Variants in NRG1 observed in about 807,000 individuals in gnomAD.
NRG1 encodes neuregulin 1, also known as pro-neuregulin-1, membrane-bound isoform.
Under a neutral mutation model 63.8 loss-of-function variants are expected in NRG1, and 18 were observed. That is an observed-to-expected ratio of 0.28 (90% CI 0.19 to 0.42). The LOEUF is 0.42. Among genes scored for constraint, NRG1 ranks in the 10% least tolerant of loss-of-function variants. NRG1 has a pLI of 1.00. For synonymous variants in NRG1, 302 were observed against 301.3 expected (o/e 1.00, Z -0.02); for missense variants, 762 against 814.7 (o/e 0.94, Z 0.79).
At chr8:32,553,446 A>C (rs1372852551) in intron 1 of NRG1, among the ~76,000 whole-genome samples, 1 of 152,194 alleles carries the variant, frequency 6.6e-6, no homozygotes, top group Non-Finnish European at 1.5e-5. Context: ...ACTACCTGTA[A>C]AACTAGAGAA....
chr8:32,234,557 C>T (rs1847331703), intron 1 of NRG1, among the ~76,000 whole-genome samples: 1 of 152,168 alleles, frequency 6.6e-6, no homozygotes, highest in South Asian at 2.1e-4. Context: ...CTCTACATTC[C>T]ATATTCTTCC....
chr8:32,045,218 G>A (rs1184700440), intron 1 of NRG1, among the ~76,000 whole-genome samples: 1 of 151,788 alleles, frequency 6.6e-6, no homozygotes, highest in Non-Finnish European at 1.5e-5. Context: ...AACTTAATTA[G>A]TAATTTCACT....
chr8:32,553,365 A>G (rs1834512093), intron 1 of NRG1, among the ~76,000 whole-genome samples: 1 of 152,338 alleles, frequency 6.6e-6, no homozygotes, highest in South Asian at 2.1e-4. Flanking sequence ...ATAATTTCCA[A>G]AATTTACCTT....
chr8:31,693,416 G>T (rs1809731699), intron 1 of NRG1, among the ~76,000 whole-genome samples: 1 of 151,936 alleles, frequency 6.6e-6, no homozygotes. Context: ...TACAACAAGG[G>T]GACAGAAGTT....
At chr8:31,926,703 A>G (rs1211837208) in intron 1 of NRG1, among the ~76,000 whole-genome samples, 3 of 152,184 alleles carry the variant, frequency 2.0e-5, no homozygotes, top group Admixed American at 1.3e-4. Flanking sequence ...GTGTCATACC[A>G]TGATTTCAAG....
At chr8:32,251,861 T>C (rs970479959) in intron 1 of NRG1, among the ~76,000 whole-genome samples, 8 of 150,738 alleles carry the variant, frequency 5.3e-5, no homozygotes, top group African/African-American at 2.0e-4. Flanking sequence ...ATATGTTTGT[T>C]AGCCGCATAA....
At chr8:32,459,664 T>A (rs879683710) in intron 1 of NRG1, among the ~76,000 whole-genome samples, 1 of 151,768 alleles carries the variant, frequency 6.6e-6, no homozygotes, top group Non-Finnish European at 1.5e-5. Flanking sequence ...TTGTTTAAAC[T>A]CTCTATTGGC....
intron 1 of NRG1, among the ~76,000 whole-genome samples, chr8:32,020,457 G>T (rs560201077): frequency 2.0e-5 from 3 of 151,858 alleles, no homozygotes; most frequent in Non-Finnish European, 4.4e-5. Flanking sequence ...GCCAATTTTT[G>T]TACATTTTAT....
At chr8:32,346,991 G>A (rs1187420775) in intron 1 of NRG1, among the ~76,000 whole-genome samples, 1 of 151,812 alleles carries the variant, frequency 6.6e-6, no homozygotes, top group Non-Finnish European at 1.5e-5. Context: ...CACCACGCCT[G>A]GCTACTTTTT....
intron 1 of NRG1, among the ~76,000 whole-genome samples, chr8:32,131,499 G>A (rs1034992158): frequency 5.3e-5 from 8 of 152,034 alleles, no homozygotes; most frequent in African/African-American, 1.9e-4. Flanking sequence ...ATAGAAAGGA[G>A]CTTCAGAATA....
chr8:32,557,087 G>A (rs192508284), intron 1 of NRG1, among the ~76,000 whole-genome samples: 1 of 152,128 alleles, frequency 6.6e-6, no homozygotes, highest in African/African-American at 2.4e-5. Context: ...CTCACTGCAA[G>A]CTCCCCCCAC....
intron 1 of NRG1, among the ~76,000 whole-genome samples, chr8:32,320,642 G>T (rs1801278015): frequency 6.6e-6 from 1 of 152,106 alleles, no homozygotes; most frequent in South Asian, 2.1e-4. Flanking sequence ...GGGGAAATCT[G>T]CCCCCATGGT....
upstream of NRG1, among the ~76,000 whole-genome samples, chr8:32,544,472 ATT>A (rs1832866345): frequency 7.2e-6 from 1 of 139,822 alleles, no homozygotes; most frequent in Non-Finnish European, 1.5e-5. Context: ...TGCCTAGCTT[ATT>A]ATTTATTTAT....
chr8:32,322,333 CTTAT>C (rs1350649396), intron 1 of NRG1, among the ~76,000 whole-genome samples: 1 of 148,558 alleles, frequency 6.7e-6, no homozygotes, highest in East Asian at 2.0e-4. Context: ...AACGATAAAC[CTTAT>C]TTAAGTGCAA....
intron 1 of NRG1, among the ~76,000 whole-genome samples, chr8:31,860,812 A>G (rs965105906): frequency 6.6e-6 from 1 of 152,202 alleles, no homozygotes; most frequent in Non-Finnish European, 1.5e-5. Flanking sequence ...ACTTATTTTA[A>G]TAGTTACTTC....
intron 1 of NRG1, among the ~76,000 whole-genome samples, chr8:31,801,372 CTCTTT>C (rs1239831671): frequency 2.0e-5 from 3 of 152,078 alleles, no homozygotes; most frequent in African/African-American, 7.2e-5. Context: ...ATTGGCTATT[CTCTTT>C]TCTTTTGCTA....
chr8:31,664,838 C>A (rs1806359022), intron 1 of NRG1, among the ~76,000 whole-genome samples: 1 of 152,120 alleles, frequency 6.6e-6, no homozygotes, highest in Non-Finnish European at 1.5e-5. Context: ...GTGCTTGGTA[C>A]TATGGAAGAT....
chr8:32,306,916 C>G (rs1316072347), intron 1 of NRG1, among the ~76,000 whole-genome samples: 1 of 152,176 alleles, frequency 6.6e-6, no homozygotes, highest in Non-Finnish European at 1.5e-5. Flanking sequence ...GCTTTTACAA[C>G]TTAAATTTAA....
intron 1 of NRG1, among the ~76,000 whole-genome samples, chr8:32,097,089 A>G (rs1432737208): frequency 1.3e-5 from 2 of 152,202 alleles, no homozygotes; most frequent in Non-Finnish European, 2.9e-5. Flanking sequence ...GAATGAGAAC[A>G]TGCAATATTT....
Sources: allele counts gnomAD v4.1 joint callset (sites outside exome capture counted in the v4.1 genomes callset), GRCh38; gene constraint gnomAD v4.1.1; transcripts MANE v1.5; gene names NCBI Gene and HGNC (gene_info 2026-07-23, HGNC 2026-07-21).